Variants in BBS9 observed in about 807,000 individuals in gnomAD.
BBS9 encodes the protein Bardet-Biedl syndrome 9.
BBS9 carries 89 observed loss-of-function variants against 117.7 expected under a neutral mutation model. That is an observed-to-expected ratio of 0.76 (90% CI 0.64 to 0.90). BBS9 has a LOEUF of 0.90. Among genes scored for constraint, BBS9 ranks in the 40% least tolerant of loss-of-function variants. The probability of loss-of-function intolerance (pLI) is 0.00; values close to 1 mark genes in which losing one functional copy is unlikely to be tolerated. For synonymous variants in BBS9, 379 were observed against 370.9 expected (o/e 1.02, Z -0.25); for missense variants, 982 against 1,042.2 (o/e 0.94, Z 0.80).
intron 20 of BBS9, among the ~76,000 whole-genome samples, chr7:33,529,431 C>T (rs1585142442): frequency 2.0e-5 from 3 of 152,250 alleles, no homozygotes; most frequent in African/African-American, 7.2e-5. Context: ...TGGGTAAAGC[C>T]AAGGTCTGGA....
intron 20 of BBS9, among the ~76,000 whole-genome samples, chr7:33,508,403 G>A (rs574438378): frequency 6.6e-6 from 1 of 152,080 alleles, no homozygotes; most frequent in African/African-American, 2.4e-5. Context: ...AATATGTCTG[G>A]TTCTCATGGA....
At chr7:33,432,275 AT>A (rs554909955) in intron 19 of BBS9, among the ~76,000 whole-genome samples, 452 of 141,724 alleles carry the variant, frequency 3.2e-3, no homozygotes, top group Middle Eastern at 0.011. Flanking sequence ...TGCCCGGCTA[AT>A]TTTTTTTTTT....
chr7:33,537,134 A>G (rs1585171062), intron 21 of BBS9, among the ~76,000 whole-genome samples: 1 of 152,196 alleles, frequency 6.6e-6, no homozygotes, highest in African/African-American at 2.4e-5. Flanking sequence ...GGTGAAGTGA[A>G]TAAGTGTTCA....
intron 19 of BBS9, among the ~76,000 whole-genome samples, chr7:33,465,614 G>A (rs941831174): frequency 1.3e-5 from 2 of 152,094 alleles, no homozygotes; most frequent in African/African-American, 4.8e-5. Flanking sequence ...TTTGAATCCT[G>A]TCTCTCACCT....
chr7:33,610,965 A>G (rs963697581), downstream of BBS9, among the ~76,000 whole-genome samples: 8 of 152,056 alleles, frequency 5.3e-5, no homozygotes, highest in African/African-American at 1.9e-4. Flanking sequence ...CCACTCCATG[A>G]ATTGTCCCAA....
chr7:33,266,110 G>A (rs973715977), intron 7 of BBS9, among the ~76,000 whole-genome samples: 1 of 152,086 alleles, frequency 6.6e-6, no homozygotes, highest in Non-Finnish European at 1.5e-5. Flanking sequence ...GTCTGGAATA[G>A]CCTTTCCTTA....
chr7:33,172,468 C>A (rs1316199616), intron 4 of BBS9, among the ~76,000 whole-genome samples: 1 of 152,072 alleles, frequency 6.6e-6, no homozygotes, highest in African/African-American at 2.4e-5. Flanking sequence ...AATCCAGAGG[C>A]TCTAAACCAA....
chr7:33,304,622 G>C (rs1172736633), intron 9 of BBS9, among the ~76,000 whole-genome samples: 2 of 152,194 alleles, frequency 1.3e-5, no homozygotes, highest in African/African-American at 4.8e-5. Flanking sequence ...TTCTGCAGGT[G>C]TACCCAACAG....
At chr7:33,612,635 C>A (rs1864938020) in intron 21 of BBS9, among the ~76,000 whole-genome samples, 1 of 152,012 alleles carries the variant, frequency 6.6e-6, no homozygotes, top group East Asian at 1.9e-4. Flanking sequence ...TGGCTCATGT[C>A]ATCTCTCCCT....
intron 21 of BBS9, among the ~76,000 whole-genome samples, chr7:33,562,314 A>G (rs1856209513): frequency 6.6e-6 from 1 of 152,190 alleles, no homozygotes; most frequent in Non-Finnish European, 1.5e-5. Flanking sequence ...CTTTTGGGGG[A>G]TTCCTTAAGG....
chr7:33,484,756 G>T (rs921114409), intron 19 of BBS9, among the ~76,000 whole-genome samples: 5 of 152,100 alleles, frequency 3.3e-5, no homozygotes, highest in Non-Finnish European at 5.9e-5. Flanking sequence ...AGATCTAGAG[G>T]CAGAAATACC....
At chr7:33,367,899 T>G in intron 17 of BBS9, 37 bp downstream of exon 17, 1 of 1,540,422 alleles carries the variant, frequency 6.5e-7, no homozygotes, top group Non-Finnish European at 9.0e-7. Flanking sequence ...TTTTAAATTT[T>G]TTTCTAAGGA....
chr7:33,323,833 C>CTTTTTTTTT (rs1227126451), intron 9 of BBS9, among the ~76,000 whole-genome samples: 11 of 105,166 alleles, frequency 1.0e-4, no homozygotes, highest in Non-Finnish European at 1.3e-4. Context: ...TCCTGTCTTC[C>CTTTTTTTTT]TTTTTTTTTT....
intron 19 of BBS9, among the ~76,000 whole-genome samples, chr7:33,504,692 A>C (rs1283927598): frequency 3.3e-5 from 5 of 152,110 alleles, no homozygotes; most frequent in African/African-American, 1.2e-4. Context: ...AACTAAAATA[A>C]AACACCAATG....
intron 1 of BBS9, among the ~76,000 whole-genome samples, chr7:33,134,170 C>T (rs187195847): frequency 1.4e-3 from 209 of 152,016 alleles, no homozygotes; most frequent in African/African-American, 4.9e-3. Context: ...CTGCCTCAGC[C>T]TCCCAAGTAA....
intron 9 of BBS9, among the ~76,000 whole-genome samples, chr7:33,328,770 T>C (rs1422681397): frequency 6.6e-6 from 1 of 152,136 alleles, no homozygotes; most frequent in Non-Finnish European, 1.5e-5. Flanking sequence ...TTTGTTTTAG[T>C]GTATTAGGAA....
At position 33,580,610 on chromosome 7, in the gene BBS9, T is replaced by C. The variant is rs542955856; in HGVS notation, c.2522-24255T>C. On this transcript the variant is annotated intron_variant, in intron 21 of 22. Transcript: ENST00000242067. ...GACCAGAGAAAACATCAAAGAACCCTACAAGAGGCTGAACCAGAGAATATT... is the reference window on the plus strand; with the variant it reads ...GACCAGAGAAAACATCAAAGAACCCCACAAGAGGCTGAACCAGAGAATATT... 2.2e-4 allele frequency among the ~76,000 whole-genome samples: 33 copies of C among 152,236 alleles called. No homozygotes were observed. The South Asian group carries it at 6.6e-3, about 31-fold the overall frequency.
chr7:33,256,475 T>C (rs903847920), intron 5 of BBS9, among the ~76,000 whole-genome samples: 1 of 149,468 alleles, frequency 6.7e-6, no homozygotes, highest in South Asian at 2.1e-4. Flanking sequence ...CTCAGTTTGT[T>C]CTCTCTCTTT....
rs863224534 is a variant in BBS9, at chr7:33,349,161, G to T, written c.1423G>T (p.Glu475Ter). The change falls in exon 13 of 23, where the codon GAA becomes TAA. Residue 475 changes from glutamate (E) to a stop codon, truncating the protein, a stop_gained. Coordinates refer to ENST00000242067, the MANE Select transcript of BBS9 (RefSeq NM_198428.3). LOFTEE classifies it high-confidence loss of function. ...ATTGACTTGTGATCAGTTCACCTTT[G>T]AATTTATGAGTAAGTTTTTTGTTTT... Reference protein sequence around the residue: ...LELTCDQFTFEFMTPDLTRTV... With the variant: ...LELTCDQFTF 2 of 1,609,598 alleles carry T rather than the reference G, an allele frequency of 1.2e-6. No individual in the cohort carries two copies. Among genetic ancestry groups the T allele is most frequent in the Admixed American group, 1.7e-5 (1 of 60,006 alleles).
Sources: gnomAD v4.1 joint callset for allele counts (sites outside exome capture counted in the v4.1 genomes callset) on GRCh38, gnomAD v4.1.1 for gene constraint, MANE v1.5 for transcripts, NCBI Gene and HGNC (gene_info 2026-07-23, HGNC 2026-07-21) for gene names.